Variants in PRKN observed in about 807,000 individuals in gnomAD.
The protein encoded by PRKN is parkin RBR E3 ubiquitin protein ligase, also known as E3 ubiquitin-protein ligase parkin.
PRKN carries 56 observed loss-of-function variants against 59.5 expected under a neutral mutation model. The ratio of observed to expected loss-of-function variants is 0.94; its 90% confidence interval spans 0.76 to 1.18. The LOEUF (loss-of-function observed/expected upper bound fraction) is 1.18. Ranked by LOEUF, PRKN falls within the 50% of genes most tolerant of loss-of-function variation. The probability of loss-of-function intolerance (pLI) is 0.00; values close to 1 mark genes in which losing one functional copy is unlikely to be tolerated. For missense variants in PRKN, 657 were observed against 596.4 expected, an observed-to-expected ratio of 1.10 and a Z score of -1.06; for synonymous variants, 250 against 222.1, an observed-to-expected ratio of 1.13 and a Z score of -1.12.
intron 4 of PRKN, among the ~76,000 whole-genome samples, chr6:162,065,174 T>C (rs1778276788): frequency 6.6e-6 from 1 of 152,142 alleles, no homozygotes; most frequent in Non-Finnish European, 1.5e-5. Flanking sequence ...AAGCCAGTAG[T>C]GGCACAGTCC....
At chr6:161,764,325 G>A (rs1789333213) in intron 7 of PRKN, among the ~76,000 whole-genome samples, 1 of 152,232 alleles carries the variant, frequency 6.6e-6, no homozygotes, top group African/African-American at 2.4e-5. Flanking sequence ...GCTTCTCCCT[G>A]TGACGCAGAG....
At chr6:162,707,827 G>A (rs1458154826) in intron 1 of PRKN, among the ~76,000 whole-genome samples, 2 of 152,038 alleles carry the variant, frequency 1.3e-5, no homozygotes, top group African/African-American at 4.8e-5. Flanking sequence ...GATCCACCTT[G>A]CCTTGGCTTC....
chr6:161,857,150 G>T (rs972281901), intron 6 of PRKN, among the ~76,000 whole-genome samples: 30 of 152,236 alleles, frequency 2.0e-4, no homozygotes, highest in East Asian at 1.9e-4. Context: ...AATCGCTTGA[G>T]CCCGGGAGGC....
chr6:162,414,801 G>GAT (rs894491333), intron 2 of PRKN, among the ~76,000 whole-genome samples: 3 of 151,056 alleles, frequency 2.0e-5, no homozygotes, highest in Non-Finnish European at 2.9e-5. Context: ...GTGTAAAGAT[G>GAT]ACATATATAT....
intron 9 of PRKN, among the ~76,000 whole-genome samples, chr6:161,469,003 TC>T (rs1790625290): frequency 6.6e-6 from 1 of 152,104 alleles, no homozygotes; most frequent in African/African-American, 2.4e-5. Context: ...TTCATGCATC[TC>T]CTAATGACTC....
chr6:162,184,732 C>A (rs1317613911), intron 4 of PRKN, among the ~76,000 whole-genome samples: 1 of 152,112 alleles, frequency 6.6e-6, no homozygotes, highest in Non-Finnish European at 1.5e-5. Flanking sequence ...CCTTTGACTT[C>A]CCTTTTGCTG....
chr6:161,602,239 ATC>A (rs890898953), intron 7 of PRKN, among the ~76,000 whole-genome samples: 7 of 152,184 alleles, frequency 4.6e-5, no homozygotes, highest in Non-Finnish European at 1.0e-4. Context: ...TTTATCTATC[ATC>A]TGTCTTCCAA....
intron 2 of PRKN, among the ~76,000 whole-genome samples, chr6:162,369,509 A>G (rs988089703): frequency 2.0e-5 from 3 of 152,218 alleles, no homozygotes; most frequent in Admixed American, 1.3e-4. Context: ...GGGTGATACA[A>G]TTGTACACAT....
At chr6:162,162,467 G>A (rs184882741) in intron 4 of PRKN, among the ~76,000 whole-genome samples, 9 of 152,230 alleles carry the variant, frequency 5.9e-5, no homozygotes, top group African/African-American at 2.2e-4. Flanking sequence ...GTTTGGTACT[G>A]CCCAAAGTTT....
intron 6 of PRKN, among the ~76,000 whole-genome samples, chr6:161,955,498 T>C (rs1195172552): frequency 6.6e-6 from 1 of 152,206 alleles, no homozygotes; most frequent in Admixed American, 6.5e-5. Context: ...TTAAAAACAT[T>C]ATTGTTTTCA....
intron 2 of PRKN, among the ~76,000 whole-genome samples, chr6:162,299,192 G>A (rs193054094): frequency 5.3e-5 from 8 of 152,284 alleles, no homozygotes; most frequent in African/African-American, 1.7e-4. Flanking sequence ...CAGCCCCTTC[G>A]GGCAGACAGA....
At position 162,633,794 on chromosome 6, in the gene PRKN, G is replaced by A. The variant is rs576841362; in HGVS notation, c.7+93868C>T. On this transcript the variant is annotated intron_variant, in intron 1 of 11. Transcript: ENST00000366898. ...GATGTGAGGGATGGCAGGATGAAGC[G>A]AGGGAGGGAGGAACGTGTGTAGCTA... Among the ~76,000 whole-genome samples the A allele has an allele frequency of 5.3e-5, 8 of 152,234 alleles. No homozygotes were observed. The East Asian group carries it at 1.2e-3, about 22-fold the overall frequency.
intron 1 of PRKN, among the ~76,000 whole-genome samples, chr6:162,572,333 G>T (rs78279188): frequency 5.3e-5 from 8 of 152,136 alleles, no homozygotes; most frequent in Non-Finnish European, 7.3e-5. Context: ...CTCAGCACTC[G>T]TGAAAAAGAA....
Position 161,569,501 on chromosome 6 carries a change from T to G in PRKN, c.872-85A>C, listed in dbSNP as rs1229993603. On this transcript the variant is annotated intron_variant, in intron 7 of 11. Transcript: ENST00000366898. The stretch of plus-strand genomic sequence containing the variant: ...CTTACACAGAGTTATGACTATCAAC[T>G]GCCAGTGTTGCCTTTTGGGAGGACA... The G allele has an allele frequency of 2.7e-6, 3 of 1,128,954 alleles. No homozygotes were observed. The African/African-American group carries it at 4.6e-5, about 17-fold the overall frequency. 69.9% of individuals were successfully genotyped at this position (1,128,954 alleles called of 1,614,324 possible).
chr6:162,359,378 GA>G (rs1785032694), intron 2 of PRKN, among the ~76,000 whole-genome samples: 1 of 151,882 alleles, frequency 6.6e-6, no homozygotes, highest in Non-Finnish European at 1.5e-5. Flanking sequence ...TACAGAGGTG[GA>G]AAATGGGGCT....
rs1790530666 is a variant in PRKN, at chr6:161,467,400, T to A, written c.1084-80523A>T. On this transcript the variant is annotated intron_variant, in intron 9 of 11. Transcript: ENST00000366898. This position sits in a 1 kb window ranked among gnomAD's most constrained non-coding sequence, Gnocchi z 4.3. Reference sequence around the variant, plus strand: ...ATACGTTATTAACTGATAAGTTCAGTCCAGCACACACTTACCAAGTTCTTG... The same window carrying A: ...ATACGTTATTAACTGATAAGTTCAGACCAGCACACACTTACCAAGTTCTTG... 6.6e-6 allele frequency among the ~76,000 whole-genome samples: 1 copy of A among 152,206 alleles called. No individual in the cohort carries two copies. Among genetic ancestry groups the A allele is most frequent in the South Asian group, 2.1e-4 (1 of 4,826 alleles).
intron 5 of PRKN, among the ~76,000 whole-genome samples, chr6:162,020,645 A>G (rs1041939587): frequency 2.6e-5 from 4 of 152,314 alleles, no homozygotes; most frequent in Non-Finnish European, 4.4e-5. Context: ...TTCAAAAAAC[A>G]TCTTAAATGT....
intron 7 of PRKN, among the ~76,000 whole-genome samples, chr6:161,760,752 C>T (rs569622334): frequency 6.6e-6 from 1 of 152,092 alleles, no homozygotes; most frequent in African/African-American, 2.4e-5. Context: ...CCTTCAGTTC[C>T]GCATAATTAA....
chr6:162,622,002 G>A (rs557625035), intron 1 of PRKN, among the ~76,000 whole-genome samples: 1 of 151,922 alleles, frequency 6.6e-6, no homozygotes, highest in East Asian at 1.9e-4. Flanking sequence ...TAGTAGAGAC[G>A]GGGCTTCACC....
Sources: gnomAD v4.1 joint callset for allele counts (sites outside exome capture counted in the v4.1 genomes callset) on GRCh38, gnomAD v4.1.1 for gene constraint, Gnocchi (gnomAD v3.1) non-coding constraint, MANE v1.5 for transcripts, NCBI Gene and HGNC (gene_info 2026-07-23, HGNC 2026-07-21) for gene names.